The following ZEB1 variants were observed in gnomAD, a reference collection of about 807,000 sequenced individuals.
ZEB1 encodes zinc finger E-box binding homeobox 1, also known as zinc finger E-box-binding homeobox 1.
Under a neutral mutation model 84.9 loss-of-function variants are expected in ZEB1, and 21 were observed. The observed-to-expected ratio is 0.25, with a 90% CI of 0.18 to 0.36. The LOEUF is 0.36. Ranked by LOEUF, ZEB1 falls within the 10% of genes least tolerant of loss-of-function variation. ZEB1 has a pLI of 1.00. For synonymous variants in ZEB1, 420 were observed against 471.1 expected (o/e 0.89, Z 1.41); for missense variants, 1,104 against 1,330.2 (o/e 0.83, Z 2.65).
chr10:31,354,977 C>T (rs1036984459), intron 1 of ZEB1, among the ~76,000 whole-genome samples: 13 of 152,062 alleles, frequency 8.5e-5, no homozygotes, highest in Non-Finnish European at 1.8e-4. Context: ...TACAATAATA[C>T]ACGTGGGTGT....
intron 1 of ZEB1, chr10:31,361,146 G>C: frequency 6.2e-7 from 1 of 1,611,974 alleles, no homozygotes; most frequent in Non-Finnish European, 8.5e-7. Context: ...TTGAAGAGTG[G>C]CAACCAGAAC....
At chr10:31,387,438 G>T (rs1332469290) in intron 1 of ZEB1, among the ~76,000 whole-genome samples, 2 of 152,170 alleles carry the variant, frequency 1.3e-5, no homozygotes, top group Non-Finnish European at 2.9e-5. Context: ...TTATTTAGAA[G>T]TGAAGCATGT....
intron 1 of ZEB1, among the ~76,000 whole-genome samples, chr10:31,443,518 C>T (rs1208036136): frequency 6.7e-6 from 1 of 149,298 alleles, no homozygotes; most frequent in African/African-American, 2.5e-5. Context: ...CCCACTAACT[C>T]GTCATCTAGC....
chr10:31,479,934 C>T (rs541071264), intron 2 of ZEB1, among the ~76,000 whole-genome samples: 24 of 152,106 alleles, frequency 1.6e-4, no homozygotes, highest in Admixed American at 6.6e-4. Context: ...AATGTTCCAA[C>T]ATGTCTGTAT....
intron 2 of ZEB1, among the ~76,000 whole-genome samples, chr10:31,495,027 G>A (rs1261885459): frequency 6.6e-6 from 1 of 151,950 alleles, no homozygotes. Flanking sequence ...GTAACATTTG[G>A]TCCAGTCATC....
chr10:31,522,409 T>C (rs939579142), intron 7 of ZEB1, among the ~76,000 whole-genome samples: 2 of 152,198 alleles, frequency 1.3e-5, no homozygotes, highest in African/African-American at 4.8e-5. Flanking sequence ...TTTAATTAAA[T>C]AAACAGGAAT....
intron 1 of ZEB1, among the ~76,000 whole-genome samples, chr10:31,430,306 T>A (rs544076225): frequency 1.3e-5 from 2 of 152,306 alleles, no homozygotes; most frequent in Admixed American, 1.3e-4. Context: ...CATCTGTTAA[T>A]TAGTTACTGA....
chr10:31,424,531 A>G (rs1286434650), intron 1 of ZEB1, among the ~76,000 whole-genome samples: 1 of 151,998 alleles, frequency 6.6e-6, no homozygotes, highest in African/African-American at 2.4e-5. Flanking sequence ...GTTGTACGTT[A>G]GGATTTGAGT....
At chr10:31,487,226 G>T (rs1420913033) in intron 2 of ZEB1, among the ~76,000 whole-genome samples, 4 of 150,976 alleles carry the variant, frequency 2.6e-5, no homozygotes, top group African/African-American at 9.7e-5. Flanking sequence ...AATCATTTTG[G>T]CTATTATAGT....
chr10:31,332,670 G>C (rs893875201), intron 1 of ZEB1, among the ~76,000 whole-genome samples: 3 of 152,026 alleles, frequency 2.0e-5, no homozygotes, highest in Admixed American at 1.3e-4. Flanking sequence ...TTTTTTTGGA[G>C]GTTATGCTGT....
chr10:31,410,178 G>T (rs1467907098), intron 1 of ZEB1, among the ~76,000 whole-genome samples: 1 of 152,176 alleles, frequency 6.6e-6, no homozygotes. Context: ...TTTGAGTTAC[G>T]TTCCATCAAT....
At chr10:31,423,219 A>G (rs942281001) in intron 1 of ZEB1, among the ~76,000 whole-genome samples, 1 of 152,096 alleles carries the variant, frequency 6.6e-6, no homozygotes, top group South Asian at 2.1e-4. Context: ...AATGTGGGCA[A>G]ATTAGTCTCC....
At chr10:31,450,448 C>T (rs1033613170) in intron 1 of ZEB1, among the ~76,000 whole-genome samples, 1 of 151,928 alleles carries the variant, frequency 6.6e-6, no homozygotes, top group African/African-American at 2.4e-5. Context: ...TAACCATTTA[C>T]CAAATGTCCT....
Position 31,486,527 on chromosome 10 carries a change from T to A in ZEB1, c.260-9249T>A, listed in dbSNP as rs145149994. Among the ~76,000 whole-genome samples, 1,059 of 151,742 alleles carry A rather than the reference T, an allele frequency of 7.0e-3. 7 individuals carry two copies. The highest frequency in any genetic ancestry group is 0.024 in the African/African-American group (977 of 41,494). ...TTATTATGTCCTCTTCAGTGAAGTGTCTGCTTAACACCTTTTGTGTATTTT... is the reference window on the plus strand; with the variant it reads ...TTATTATGTCCTCTTCAGTGAAGTGACTGCTTAACACCTTTTGTGTATTTT... On this transcript the variant is annotated intron_variant, in intron 2 of 8. Transcript: ENST00000424869.
At chr10:31,319,603 G>C (rs2033173310) in intron 1 of ZEB1, 1 of 376,716 alleles carries the variant, frequency 2.7e-6, no homozygotes, top group Middle Eastern at 7.0e-4. Flanking sequence ...CCCCGGCGCA[G>C]GGCGGGCGGC....
intron 1 of ZEB1, among the ~76,000 whole-genome samples, chr10:31,438,879 T>C (rs931563062): frequency 2.0e-5 from 3 of 152,154 alleles, no homozygotes; most frequent in African/African-American, 4.8e-5. Flanking sequence ...TATACACATA[T>C]ACATACGTAC....
chr10:31,356,266 G>A (rs1157659547), intron 1 of ZEB1, among the ~76,000 whole-genome samples: 2 of 151,900 alleles, frequency 1.3e-5, no homozygotes, highest in Non-Finnish European at 2.9e-5. Flanking sequence ...AATATAGGGA[G>A]TATAGGGAGA....
intron 2 of ZEB1, among the ~76,000 whole-genome samples, chr10:31,488,428 G>A (rs1157690893): frequency 1.3e-5 from 2 of 150,624 alleles, no homozygotes; most frequent in Admixed American, 6.6e-5. Context: ...CCTGATAGTA[G>A]CAATTTGTGG....
intron 1 of ZEB1, among the ~76,000 whole-genome samples, chr10:31,412,133 T>C (rs2054412349): frequency 6.6e-6 from 1 of 152,228 alleles, no homozygotes; most frequent in East Asian, 1.9e-4. Context: ...TTACAAAATA[T>C]CTTATTTTCC....
Sources: gnomAD v4.1 joint callset for allele counts (sites outside exome capture counted in the v4.1 genomes callset) on GRCh38, gnomAD v4.1.1 for gene constraint, MANE v1.5 for transcripts, NCBI Gene and HGNC (gene_info 2026-07-23, HGNC 2026-07-21) for gene names.